OR52A5: variants seen among roughly 807,000 people sequenced by gnomAD.
OR52A5 encodes the protein olfactory receptor 52A5.
Under a neutral mutation model 18.2 loss-of-function variants are expected in OR52A5, and 16 were observed. The ratio of observed to expected loss-of-function variants is 0.88; its 90% CI spans 0.60 to 1.34. The LOEUF (loss-of-function observed/expected upper bound fraction) is 1.34, where lower values mean the gene tolerates loss of function less well. OR52A5 is among the 40% of genes most tolerant of loss of function. OR52A5 has a pLI of 0.00. For missense variants in OR52A5, 418 were observed against 383.0 expected (o/e 1.09, Z -0.76); for synonymous variants, 140 against 137.2 (o/e 1.02, Z -0.14).
intron 1 of OR52A5, among the ~76,000 whole-genome samples, chr11:5,133,040 T>G (rs887334151): frequency 2.0e-5 from 3 of 152,100 alleles, no homozygotes; most frequent in African/African-American, 7.2e-5. Context: ...GAGCAAAGAA[T>G]TTTAAAACTA....
chr11:5,132,724 AAT>A lies in OR52A5; in HGVS notation c.-60-24_-60-23del, dbSNP rs146092354. 6.3e-3 allele frequency: 5,277 copies of A among 838,440 alleles called. 208 individuals are homozygous for A. In the African/African-American group the frequency reaches 0.079, roughly 13 times the overall value. The allele number at this position is 838,440 out of a possible 1,614,324, so 51.9% of individuals were successfully genotyped here. ...GAGCCTTGATGAATTAAAAATTAAA[AAT>A]ATGTTAATTTATTTTAGGAAAATAT... On this transcript the variant is annotated intron_variant, in intron 1 of 1. Coordinates refer to ENST00000307388, the MANE Select transcript of OR52A5 (RefSeq NM_001005160.3).
rs1846324632 is a variant in OR52A5, at chr11:5,130,359, CTG to C, written c.*1331_*1332del. 1 of 151,878 alleles carries C rather than the reference CTG, an allele frequency of 6.6e-6. No individual in the cohort carries two copies. Among genetic ancestry groups the C allele is most frequent in the East Asian group, 1.9e-4 (1 of 5,176 alleles). 9.4% of individuals were successfully genotyped at this position (151,878 alleles called of 1,614,324 possible). A position where few individuals can be genotyped will look rare whatever the true frequency, so the allele number is the denominator to read the frequency against. On this transcript the variant is annotated 3_prime_UTR_variant, in exon 2 of 2. Transcript: ENST00000307388. ...TTATCCTTCATGTATACTAACTTTT[CTG>C]AAAGAATTCATATATTTATGATTTT...
At chr11:5,133,491 T>C (rs1300011652) in intron 1 of OR52A5, among the ~76,000 whole-genome samples, 1 of 151,044 alleles carries the variant, frequency 6.6e-6, no homozygotes, top group Non-Finnish European at 1.5e-5. Context: ...TTTTTTTTTT[T>C]CCAGGTTAGG....
Position 5,131,693 on chromosome 11 carries a change from C to A in OR52A5, c.950G>T (p.Ter317LeuextTer9). 3 of 1,600,658 alleles carry A rather than the reference C, an allele frequency of 1.9e-6. No individual in the cohort carries two copies. The South Asian group carries it at 3.3e-5, about 18-fold the overall frequency. Residue 317 changes from the stop codon to leucine, a stop_lost, in exon 2 of 2, where the codon TGA becomes TTA. Coordinates refer to ENST00000307388, the MANE Select transcript of OR52A5 (RefSeq NM_001005160.3). ...AATCTCTATAGGAGTCACTAACGAT[C>A]AAGTTACTTTTTTGAAGAAAAACAC... The part of the protein sequence containing the change: ...VKVFFFKKVT[*>L]
At chr11:5,136,700 G>T (rs1277628187) in intron 1 of OR52A5, among the ~76,000 whole-genome samples, 1 of 152,128 alleles carries the variant, frequency 6.6e-6, no homozygotes, top group Non-Finnish European at 1.5e-5. Flanking sequence ...GCCAGATAAA[G>T]GAGATAGACA....
chr11:5,134,190 A>C (rs1846370730), intron 1 of OR52A5, among the ~76,000 whole-genome samples: 1 of 152,192 alleles, frequency 6.6e-6, no homozygotes, highest in South Asian at 2.1e-4. Flanking sequence ...TAATTTACAT[A>C]TTACCTGTAT....
In OR52A5 at chr11:5,130,563, A is replaced by T. The variant is rs1206967896; in HGVS notation, c.*1129T>A. On this transcript the variant is annotated 3_prime_UTR_variant, in exon 2 of 2. Coordinates refer to ENST00000307388, the MANE Select transcript of OR52A5 (RefSeq NM_001005160.3). ...TGCCTATCAACTAACATGTTGTTTTATCTTTTGTCATGTATTTTTGATTCT... is the reference window on the plus strand; with the variant it reads ...TGCCTATCAACTAACATGTTGTTTTTTCTTTTGTCATGTATTTTTGATTCT... The T allele has an allele frequency of 6.6e-6, 1 of 152,008 alleles. No individual in the cohort carries two copies. Among genetic ancestry groups the T allele is most frequent in the Non-Finnish European group, 1.5e-5 (1 of 67,914 alleles). The allele number at this position is 152,008 out of a possible 1,614,324, so 9.4% of individuals were successfully genotyped here.
Position 5,131,831 on chromosome 11 carries a change from A to C in OR52A5, c.812T>G (p.Ile271Arg). 6.2e-7 allele frequency: 1 copy of C among 1,614,098 alleles called. No homozygotes were observed. The highest frequency in any genetic ancestry group is 1.1e-5 in the South Asian group (1 of 91,074). ...CAAGAGGATATGAATATATGGTGGT[A>C]TGTGTGAACCAAACCTGTGTGTGAA... ...SFFTHRFGSH[I>R]PPYIHILLSN... The change falls in exon 2 of 2, where the codon ATA becomes AGA. Residue 271 changes from isoleucine to arginine, a missense_variant. Coordinates refer to ENST00000307388, the MANE Select transcript of OR52A5 (RefSeq NM_001005160.3).
Position 5,130,431 on chromosome 11 carries a change from G to A in OR52A5, c.*1261C>T, listed in dbSNP as rs943265379. 1 of 151,398 alleles carries A rather than the reference G, an allele frequency of 6.6e-6. No homozygotes were observed. The highest frequency in any genetic ancestry group is 1.5e-5 in the Non-Finnish European group (1 of 67,848). The allele number at this position is 151,398 out of a possible 1,614,324, so 9.4% of individuals were successfully genotyped here. On this transcript the variant is annotated 3_prime_UTR_variant, in exon 2 of 2. Transcript: ENST00000307388. ...ACTCCTCATTAATTATTCATTCTGC[G>A]TTATTAATGGCACAACCACTGAAAT...
chr11:5,131,411 T>A lies in OR52A5; in HGVS notation c.*281A>T. ...TGTGTAAATTCCTTAGTGTTTATAG[T>A]CATTGGTTGCATTACATAAGTTTTA... On this transcript the variant is annotated 3_prime_UTR_variant, in exon 2 of 2. Transcript: ENST00000307388. The A allele has an allele frequency of 4.6e-6, 1 of 217,816 alleles. No individual in the cohort carries two copies. Among genetic ancestry groups the A allele is most frequent in the South Asian group, 9.0e-5 (1 of 11,074 alleles). The allele number at this position is 217,816 out of a possible 1,614,324, so 13.5% of individuals were successfully genotyped here.
chr11:5,135,651 T>C (rs545041069), intron 1 of OR52A5, among the ~76,000 whole-genome samples: 1 of 152,324 alleles, frequency 6.6e-6, no homozygotes, highest in South Asian at 2.1e-4. Flanking sequence ...AGAGGCTTCA[T>C]CTGCATGATA....
rs1416268062 is a variant in OR52A5, at chr11:5,131,662, A to T, written c.*30T>A. 7.1e-7 allele frequency: 1 copy of T among 1,404,446 alleles called. No individual in the cohort carries two copies. The highest frequency in any genetic ancestry group is 9.9e-7 in the Non-Finnish European group (1 of 1,008,120). 87.0% of individuals were successfully genotyped at this position (1,404,446 alleles called of 1,614,324 possible). On this transcript the variant is annotated 3_prime_UTR_variant, in exon 2 of 2. Transcript: ENST00000307388. ...ATATTTAGGTTTTTACTTAGAACCA[A>T]CCCTAAATCTCTATAGGAGTCACTA...
chr11:5,134,821 G>A (rs1200064615), intron 1 of OR52A5, among the ~76,000 whole-genome samples: 1 of 151,914 alleles, frequency 6.6e-6, no homozygotes, highest in African/African-American at 2.4e-5. Flanking sequence ...ATTTTATGCT[G>A]TATTTACCCA....
chr11:5,133,291 C>T (rs1846360229), intron 1 of OR52A5, among the ~76,000 whole-genome samples: 1 of 149,770 alleles, frequency 6.7e-6, no homozygotes, highest in African/African-American at 2.5e-5. Flanking sequence ...TGGCATGAAC[C>T]CGGGAGGCAG....
intron 1 of OR52A5, among the ~76,000 whole-genome samples, chr11:5,133,151 C>T (rs1226632982): frequency 1.3e-5 from 2 of 151,776 alleles, no homozygotes; most frequent in African/African-American, 4.8e-5. Flanking sequence ...GGGTGGATCA[C>T]GAGGTCAGGA....
At position 5,132,269 on chromosome 11, in the gene OR52A5, T is replaced by G; in HGVS notation, c.374A>C (p.Tyr125Ser). 1 of 1,614,166 alleles carries G rather than the reference T, an allele frequency of 6.2e-7. No homozygotes were observed. Among genetic ancestry groups the G allele is most frequent in the East Asian group, 2.2e-5 (1 of 44,876 alleles). ...GILLAMALDR[Y>S]VAICIPLRHA... ...TCTCAAGGGGATACAGATGGCCACA[T>G]AGCGATCCAGGGCCATTGCCAGAAG... The change falls in exon 2 of 2, where the codon TAT (tyrosine) becomes TCT (serine). Residue 125 changes from tyrosine to serine, a missense_variant. Transcript: ENST00000307388.
chr11:5,136,577 A>G (rs1846394510), intron 1 of OR52A5, among the ~76,000 whole-genome samples: 1 of 152,198 alleles, frequency 6.6e-6, no homozygotes, highest in Non-Finnish European at 1.5e-5. Context: ...ACTTCACATT[A>G]GAGGGGAAAA....
intron 1 of OR52A5, among the ~76,000 whole-genome samples, chr11:5,134,875 A>T (rs1444347755): frequency 6.6e-6 from 1 of 151,968 alleles, no homozygotes; most frequent in African/African-American, 2.4e-5. Context: ...AGATTTTTTA[A>T]TTTTTATTTT....
rs78413637 is a variant in OR52A5 at position 5,132,638 on chromosome 11, G to A, written c.5C>T (p.Pro2Leu). Reference protein sequence around the residue: MPTFNGSVFMPS... With the variant: MLTFNGSVFMPS... ...CATGAAGACTGAGCCATTGAATGTC[G>A]GCATGATTTGTTCATCAGAATCAAG... The change falls in exon 2 of 2, where the codon CCG becomes CTG. Residue 2 changes from proline to leucine, a missense_variant. Physicochemically the swap from Pro to Leu is moderately conservative, Grantham distance 98 (BLOSUM62 -3). Transcript: ENST00000307388. 1,796 of 1,579,802 alleles carry A rather than the reference G, an allele frequency of 1.1e-3. 16 individuals are homozygous for A. In the African/African-American group the frequency reaches 0.022, roughly 19 times the overall value.
Sources: allele counts gnomAD v4.1 joint callset (sites outside exome capture counted in the v4.1 genomes callset), GRCh38; gene constraint gnomAD v4.1.1; transcripts MANE v1.5; gene names NCBI Gene and HGNC (gene_info 2026-07-23, HGNC 2026-07-21).